The following MCPH1 variants were observed in gnomAD, a reference collection of about 807,000 sequenced individuals.
The protein encoded by MCPH1 is microcephalin.
MCPH1 carries 104 observed loss-of-function variants against 84.5 expected under a neutral mutation model. That is an observed-to-expected ratio of 1.23 (90% CI 1.05 to 1.45). MCPH1 has a LOEUF of 1.45. Ranked by LOEUF, MCPH1 falls within the 40% of genes most tolerant of loss-of-function variation. The pLI, the probability that MCPH1 is intolerant of heterozygous loss-of-function variation, is 0.00. For missense variants in MCPH1, 1,498 were observed against 1,005.7 expected (o/e 1.49, Z -6.62); for synonymous variants, 514 against 366.8 (o/e 1.40, Z -4.58).
intron 12 of MCPH1, among the ~76,000 whole-genome samples, chr8:6,510,080 G>T (rs564769598): frequency 6.6e-6 from 1 of 152,138 alleles, no homozygotes; most frequent in African/African-American, 2.4e-5. Flanking sequence ...GCAAAAATAC[G>T]GCTTACATCG....
intron 9 of MCPH1, among the ~76,000 whole-genome samples, chr8:6,476,705 T>C (rs1808506306): frequency 6.6e-6 from 1 of 152,200 alleles, no homozygotes; most frequent in Non-Finnish European, 1.5e-5. Context: ...AACCCTGGGG[T>C]CCTTCAAATG....
chr8:6,598,019 C>T (rs2922853), intron 12 of MCPH1, among the ~76,000 whole-genome samples: 84,643 of 152,084 alleles, frequency 0.56, 24,436 homozygotes, highest in Non-Finnish European at 0.64. Context: ...TTCCAGATGA[C>T]GATGTCCTTT....
chr8:6,591,495 C>A (rs9657426), intron 12 of MCPH1, among the ~76,000 whole-genome samples: 3,247 of 152,298 alleles, frequency 0.021, 115 homozygotes, highest in African/African-American at 0.074. Context: ...GTCAGTGGAA[C>A]ATAGGCATCT....
At chr8:6,598,631 G>T (rs901947292) in intron 12 of MCPH1, among the ~76,000 whole-genome samples, 1 of 152,202 alleles carries the variant, frequency 6.6e-6, no homozygotes, top group Non-Finnish European at 1.5e-5. Context: ...TCCCCCAAGC[G>T]ACCCCAATGT....
intron 5 of MCPH1, 141 bp from the exon 6 acceptor site, chr8:6,438,812 A>G (rs778767293): frequency 1.8e-5 from 13 of 709,434 alleles, no homozygotes; most frequent in South Asian, 5.0e-5. Flanking sequence ...TGGTGGAGGT[A>G]GAATATTAGC....
In MCPH1 at chr8:6,621,719, GGT is replaced by G. The variant is rs762607171; in HGVS notation, c.2452+32_2452+33del. ...AAGAATCCAGGCACACAGACGCTGT[GGT>G]GTGGTCCAGATCTGTGGACAGGTTT... On this transcript the variant is annotated intron_variant, in intron 13 of 13. Coordinates refer to ENST00000344683, the MANE Select transcript of MCPH1 (RefSeq NM_024596.5). 2.5e-6 allele frequency: 4 copies of G among 1,613,664 alleles called. 1 individual carries two copies. The African/African-American group carries it at 5.3e-5, about 22-fold the overall frequency.
At chr8:6,460,203 T>C (rs958990861) in intron 9 of MCPH1, among the ~76,000 whole-genome samples, 2 of 152,040 alleles carry the variant, frequency 1.3e-5, no homozygotes, top group Non-Finnish European at 2.9e-5. Flanking sequence ...CTATAGCCCA[T>C]GTCTCATGAT....
intron 12 of MCPH1, among the ~76,000 whole-genome samples, chr8:6,604,952 C>G (rs1375025293): frequency 6.6e-6 from 1 of 152,244 alleles, no homozygotes. Context: ...GAATCAAACA[C>G]TTTCAAAAGG....
At chr8:6,535,326 A>G (rs1452212269) in intron 12 of MCPH1, among the ~76,000 whole-genome samples, 1 of 152,230 alleles carries the variant, frequency 6.6e-6, no homozygotes, top group Non-Finnish European at 1.5e-5. Flanking sequence ...TCAAATTCCA[A>G]TTTGAAATTA....
intron 12 of MCPH1, among the ~76,000 whole-genome samples, chr8:6,592,503 T>A (rs1376111332): frequency 6.6e-6 from 1 of 152,030 alleles, no homozygotes; most frequent in Non-Finnish European, 1.5e-5. Flanking sequence ...AAGTTAAAGC[T>A]CCCTTTGCAT....
At chr8:6,455,873 G>A (rs941464525) in intron 9 of MCPH1, among the ~76,000 whole-genome samples, 1 of 152,142 alleles carries the variant, frequency 6.6e-6, no homozygotes, top group African/African-American at 2.4e-5. Flanking sequence ...AAAGTATAAT[G>A]TAGTGAAACC....
intron 12 of MCPH1, among the ~76,000 whole-genome samples, chr8:6,605,332 C>CA (rs913587925): frequency 5.0e-4 from 76 of 152,262 alleles, no homozygotes; most frequent in African/African-American, 1.7e-3. Flanking sequence ...ACACTCCTTG[C>CA]AAAAAAGCTT....
intron 12 of MCPH1, chr8:6,521,139 G>A (rs762463383): frequency 2.6e-6 from 4 of 1,559,200 alleles, no homozygotes; most frequent in South Asian, 2.3e-5. Flanking sequence ...ACTGACTAAA[G>A]GTTATTAACG....
chr8:6,631,034 T>G (rs780352070), intron 13 of MCPH1, among the ~76,000 whole-genome samples: 11 of 152,134 alleles, frequency 7.2e-5, no homozygotes, highest in Non-Finnish European at 1.3e-4. Context: ...AAAGGTGCTC[T>G]AAACAACCAC....
intron 12 of MCPH1, among the ~76,000 whole-genome samples, chr8:6,597,552 A>G (rs1829025763): frequency 6.6e-6 from 1 of 152,118 alleles, no homozygotes; most frequent in South Asian, 2.1e-4. Context: ...AGCCCAGAAC[A>G]TTCACCAGCT....
intron 13 of MCPH1, among the ~76,000 whole-genome samples, chr8:6,634,491 G>A (rs1273660958): frequency 7.1e-6 from 1 of 141,154 alleles, no homozygotes; most frequent in African/African-American, 2.5e-5. Context: ...AGGACAGAAT[G>A]ACTGTGCAGT....
intron 12 of MCPH1, among the ~76,000 whole-genome samples, chr8:6,580,504 A>T (rs1019288561): frequency 6.6e-6 from 1 of 152,050 alleles, no homozygotes; most frequent in Non-Finnish European, 1.5e-5. Flanking sequence ...AAAATACAAA[A>T]ATTAGCTGGG....
At chr8:6,466,138 T>A (rs1040910073) in intron 9 of MCPH1, among the ~76,000 whole-genome samples, 21 of 145,556 alleles carry the variant, frequency 1.4e-4, no homozygotes, top group African/African-American at 2.8e-4. Flanking sequence ...GATTTTTTTT[T>A]TTTTTTTTTT....
In MCPH1 at chr8:6,645,445, A is replaced by G. The variant is rs1798170890; in HGVS notation, c.*2396A>G. On this transcript the variant is annotated 3_prime_UTR_variant, in exon 14 of 14. Coordinates refer to ENST00000344683, the MANE Select transcript of MCPH1 (RefSeq NM_024596.5). ...ATTCTGAATTTTAAAAAAAATTTGT[A>G]AAGGCTTATGGCTCTCACCACTGTT... 1 of 152,124 alleles carries G rather than the reference A, an allele frequency of 6.6e-6. No homozygotes were observed. The highest frequency in any genetic ancestry group is 2.4e-5 in the African/African-American group (1 of 41,410). The allele number at this position is 152,124 out of a possible 1,614,324, so 9.4% of individuals were successfully genotyped here. A position where few individuals can be genotyped will look rare whatever the true frequency, so the allele number is the denominator to read the frequency against.
Sources: allele counts gnomAD v4.1 joint callset (sites outside exome capture counted in the v4.1 genomes callset), GRCh38; gene constraint gnomAD v4.1.1; transcripts MANE v1.5; gene names NCBI Gene and HGNC (gene_info 2026-07-23, HGNC 2026-07-21).